The following CCDC180 variants were observed in gnomAD, a reference collection of about 807,000 sequenced individuals.
The protein encoded by CCDC180 is coiled-coil domain-containing protein 180.
CCDC180 carries 154 observed loss-of-function variants against 209.2 expected under a neutral mutation model. The observed-to-expected ratio is 0.74, with a 90% CI of 0.65 to 0.84. CCDC180 has a LOEUF of 0.84. CCDC180 is among the 40% of genes least tolerant of loss of function. The pLI, the probability that CCDC180 is intolerant of heterozygous loss-of-function variation, is 0.00. For synonymous variants in CCDC180, 778 were observed against 749.1 expected, an observed-to-expected ratio of 1.04 and a Z score of -0.63; for missense variants, 1,874 against 1,997.3, an observed-to-expected ratio of 0.94 and a Z score of 1.18.
At chr9:97,350,018 G>A (rs1194174109) in intron 21 of CCDC180, among the ~76,000 whole-genome samples, 1 of 152,148 alleles carries the variant, frequency 6.6e-6, no homozygotes, top group African/African-American at 2.4e-5. Context: ...CACCCAGAAT[G>A]TGTCCTGCAG....
rs1833099083 is a variant in CCDC180, at chr9:97,314,601, CA to C, written c.589-14del. Reference sequence around the variant, plus strand: ...CCTCCCACCGGCTCCTAGCCTGACCCAAACTTCTCTGCGTAGGCCCTGCTGG... The same window carrying C: ...CCTCCCACCGGCTCCTAGCCTGACCCAACTTCTCTGCGTAGGCCCTGCTGG... On this transcript the variant is annotated splice_polypyrimidine_tract_variant and intron_variant, in intron 6 of 36. Coordinates refer to ENST00000529487, the MANE Select transcript of CCDC180 (RefSeq NM_020893.6). 2 of 1,613,864 alleles carry C rather than the reference CA, an allele frequency of 1.2e-6. No individual in the cohort carries two copies. The highest frequency in any genetic ancestry group is 1.3e-5 in the African/African-American group (1 of 74,928).
At chr9:97,316,284 CG>C (rs1280154433) in intron 8 of CCDC180, among the ~76,000 whole-genome samples, 4 of 152,224 alleles carry the variant, frequency 2.6e-5, no homozygotes, top group African/African-American at 9.6e-5. Flanking sequence ...CCCCATCTTA[CG>C]GCTGTGGATC....
chr9:97,337,590 T>C (rs1390073617), intron 18 of CCDC180, among the ~76,000 whole-genome samples: 1 of 152,242 alleles, frequency 6.6e-6, no homozygotes, highest in Non-Finnish European at 1.5e-5. Flanking sequence ...GATTTTTGCA[T>C]TGATGTTCAT....
chr9:97,343,809 G>C (rs187002833), intron 19 of CCDC180, among the ~76,000 whole-genome samples: 1 of 152,182 alleles, frequency 6.6e-6, no homozygotes, highest in Non-Finnish European at 1.5e-5. Context: ...CTGCTGGCTT[G>C]GGCCTTGGAG....
chr9:97,318,542 G>A lies in CCDC180; in HGVS notation c.1039G>A (p.Val347Ile), dbSNP rs550069242. The A allele has an allele frequency of 8.7e-6, 14 of 1,613,598 alleles. No homozygotes were observed. Among genetic ancestry groups the A allele is most frequent in the South Asian group, 1.1e-5 (1 of 91,080 alleles). ...AGAGGTCATGCTGAAGACCCAGAAC[G>A]TCCTGCAGCAAAGGCGGCTGAAGCA... ...ELEVMLKTQN[V>I]LQQRRLKHLC... Residue 347 changes from valine (V) to isoleucine (I), a missense_variant, in exon 10 of 37, where the codon GTC becomes ATC. By Grantham distance (29) the Val-to-Ile change is conservative. Coordinates refer to ENST00000529487, the MANE Select transcript of CCDC180 (RefSeq NM_020893.6).
intron 13 of CCDC180, among the ~76,000 whole-genome samples, chr9:97,324,569 A>G (rs536476977): frequency 1.3e-5 from 2 of 152,220 alleles, no homozygotes; most frequent in Admixed American, 6.5e-5. Flanking sequence ...ATGAGGGCAT[A>G]AGACACGTAC....
At chr9:97,344,327 G>A (rs1351788886) in intron 19 of CCDC180, among the ~76,000 whole-genome samples, 2 of 152,190 alleles carry the variant, frequency 1.3e-5, no homozygotes, top group Admixed American at 6.5e-5. Context: ...AGGAATGAAA[G>A]GAGTGCAATC....
At chr9:97,341,886 TG>T (rs1427819404) in intron 18 of CCDC180, among the ~76,000 whole-genome samples, 1 of 152,184 alleles carries the variant, frequency 6.6e-6, no homozygotes, top group Non-Finnish European at 1.5e-5. Flanking sequence ...TCCTCAACAA[TG>T]GTGGATGCCC....
At position 97,371,608 on chromosome 9, in the gene CCDC180, G is replaced by A; in HGVS notation, c.4502G>A (p.Arg1501Lys). The A allele has an allele frequency of 1.2e-6, 2 of 1,603,566 alleles. No homozygotes were observed. Among genetic ancestry groups the A allele is most frequent in the Non-Finnish European group, 1.7e-6 (2 of 1,171,508 alleles). ...NKEKLEECTRRNGQVFITNLA... is the reference protein window; with the variant it reads ...NKEKLEECTRKNGQVFITNLA... ...TGTTTTTTCCAGGAATGTACCAGAA[G>A]GAATGGCCAGGTTTTCATAACCAAC... is the stretch of plus-strand genomic sequence containing the variant. Residue 1501 changes from arginine (R) to lysine (K), a missense_variant, in exon 34 of 37, where the codon AGG becomes AAG. Coordinates refer to ENST00000529487, the MANE Select transcript of CCDC180 (RefSeq NM_020893.6).
intron 20 of CCDC180, 42 bp downstream of exon 20, chr9:97,347,531 C>T (rs1471731696): frequency 6.6e-7 from 1 of 1,520,024 alleles, no homozygotes; most frequent in Non-Finnish European, 8.8e-7. Flanking sequence ...CCCGCAGCCA[C>T]TCCTTCAGCG....
rs1334781953 is a variant in CCDC180, at chr9:97,354,913, T to A, written c.3169T>A (p.Phe1057Ile). 1.9e-6 allele frequency: 3 copies of A among 1,613,830 alleles called. No individual in the cohort carries two copies. The highest frequency in any genetic ancestry group is 2.5e-6 in the Non-Finnish European group (3 of 1,179,770). The change falls in exon 24 of 37, where the codon TTT becomes ATT. Residue 1057 changes from phenylalanine to isoleucine, a missense_variant. By Grantham distance (21) the Phe-to-Ile change is conservative. Coordinates refer to ENST00000529487, the MANE Select transcript of CCDC180 (RefSeq NM_020893.6). ...LDQANDVINK[F>I]ESKFHNLSVD... ...ACAGGCCAATGATGTCATCAACAAGTTTGAAAGCAAATTCCATAACCTGTC... is the reference window on the plus strand; with the variant it reads ...ACAGGCCAATGATGTCATCAACAAGATTGAAAGCAAATTCCATAACCTGTC...
intron 30 of CCDC180, 31 bp downstream of exon 30, chr9:97,365,770 C>A (rs759346486): frequency 6.2e-7 from 1 of 1,601,358 alleles, no homozygotes; most frequent in East Asian, 2.2e-5. Context: ...CCTGTGCCTG[C>A]CCTGGAAACC....
chr9:97,368,272 A>G (rs918364639), intron 31 of CCDC180, among the ~76,000 whole-genome samples: 2 of 152,238 alleles, frequency 1.3e-5, no homozygotes, highest in African/African-American at 4.8e-5. Context: ...TCTGAGTGAT[A>G]AATTGAGTAG....
chr9:97,338,021 C>A (rs904260687), intron 18 of CCDC180, among the ~76,000 whole-genome samples: 8 of 152,136 alleles, frequency 5.3e-5, no homozygotes, highest in Non-Finnish European at 8.8e-5. Flanking sequence ...TCCCCTTTAT[C>A]ATTTTTTATT....
chr9:97,335,537 C>T (rs1164185378), intron 18 of CCDC180, among the ~76,000 whole-genome samples: 3 of 152,156 alleles, frequency 2.0e-5, no homozygotes, highest in African/African-American at 7.2e-5. Context: ...CATAATATTC[C>T]ATGGTGTACA....
At chr9:97,338,524 A>G (rs1167167134) in intron 18 of CCDC180, among the ~76,000 whole-genome samples, 1 of 152,200 alleles carries the variant, frequency 6.6e-6, no homozygotes, top group Non-Finnish European at 1.5e-5. Context: ...GTGGTCTGAG[A>G]GACAGTTTGT....
Position 97,325,142 on chromosome 9 carries a change from C to G in CCDC180, c.1495C>G (p.Leu499Val). ...QSELLVQELE[L>V]EKRMEQHRQK... ...CGAGCTGTTGGTGCAGGAGCTGGAGCTGGAGAAGAGGATGGAGCAGCACCG... is the reference window on the plus strand; with the variant it reads ...CGAGCTGTTGGTGCAGGAGCTGGAGGTGGAGAAGAGGATGGAGCAGCACCG... The change falls in exon 14 of 37, where the codon CTG (leucine) becomes GTG (valine). Residue 499 changes from leucine (L) to valine (V), a missense_variant. Coordinates refer to ENST00000529487, the MANE Select transcript of CCDC180 (RefSeq NM_020893.6). 1.2e-6 allele frequency: 2 copies of G among 1,611,802 alleles called. No individual in the cohort carries two copies. The highest frequency in any genetic ancestry group is 8.5e-7 in the Non-Finnish European group (1 of 1,179,090).
At chr9:97,320,073 G>C in intron 10 of CCDC180, 53 bp from the exon 11 acceptor site, 1 of 1,385,658 alleles carries the variant, frequency 7.2e-7, no homozygotes. Flanking sequence ...ACCCATTTTG[G>C]TGAGTAAACG....
intron 21 of CCDC180, among the ~76,000 whole-genome samples, chr9:97,350,203 C>CA (rs1426596695): frequency 6.6e-6 from 1 of 151,788 alleles, no homozygotes; most frequent in Non-Finnish European, 1.5e-5. Flanking sequence ...GTTGTGCCCC[C>CA]AGGAAGGTCA....
Sources: allele counts gnomAD v4.1 joint callset (sites outside exome capture counted in the v4.1 genomes callset), GRCh38; gene constraint gnomAD v4.1.1; transcripts MANE v1.5; gene names NCBI Gene and HGNC (gene_info 2026-07-23, HGNC 2026-07-21).